NBEA: variants seen among roughly 807,000 people sequenced by gnomAD.
NBEA encodes neurobeachin, also known as lysosomal-trafficking regulator 2.
In NBEA, 44 loss-of-function variants were observed where a neutral mutation model predicts 343.4. The observed-to-expected ratio is 0.13, with a 90% CI of 0.10 to 0.16. The LOEUF is 0.16. Among genes scored for constraint, NBEA ranks in the 10% least tolerant of loss-of-function variants. NBEA has a pLI of 1.00. For synonymous variants in NBEA, 1,175 were observed against 1,238.7 expected (o/e 0.95, Z 1.08); for missense variants, 2,555 against 3,631.3 (o/e 0.70, Z 7.62).
intron 40 of NBEA, among the ~76,000 whole-genome samples, chr13:35,471,323 G>A (rs1484257681): frequency 6.6e-6 from 1 of 152,112 alleles, no homozygotes; most frequent in East Asian, 1.9e-4. Flanking sequence ...TCCGCCCGGA[G>A]GGCCGAGGCC....
At chr13:35,587,463 G>A (rs892550743) in intron 46 of NBEA, among the ~76,000 whole-genome samples, 1 of 152,112 alleles carries the variant, frequency 6.6e-6, no homozygotes, top group African/African-American at 2.4e-5. Context: ...GCCTTAGTGA[G>A]CCACCACCAT....
At chr13:35,307,638 A>G (rs2036985755) in intron 35 of NBEA, among the ~76,000 whole-genome samples, 1 of 152,058 alleles carries the variant, frequency 6.6e-6, no homozygotes, top group Non-Finnish European at 1.5e-5. Flanking sequence ...TTAGTGTACA[A>G]ACACTATCAC....
chr13:35,491,361 T>A (rs1260288844), intron 41 of NBEA, among the ~76,000 whole-genome samples: 3 of 151,882 alleles, frequency 2.0e-5, no homozygotes, highest in Non-Finnish European at 4.4e-5. Context: ...AGCCAAGACC[T>A]CTCCCCTTAA....
intron 35 of NBEA, among the ~76,000 whole-genome samples, chr13:35,300,057 G>GC (rs1296754258): frequency 6.6e-6 from 1 of 152,148 alleles, no homozygotes; most frequent in African/African-American, 2.4e-5. Context: ...TCTATGCTAT[G>GC]TACTTTTCTT....
chr13:35,421,604 T>A (rs2044274959), intron 38 of NBEA, among the ~76,000 whole-genome samples: 1 of 152,132 alleles, frequency 6.6e-6, no homozygotes, highest in Non-Finnish European at 1.5e-5. Context: ...TAGATAGTCA[T>A]GTTTTGCTTA....
At chr13:35,123,661 T>C (rs1194171927) in intron 17 of NBEA, 87 bp downstream of exon 17, 5 of 782,886 alleles carry the variant, frequency 6.4e-6, no homozygotes, top group Non-Finnish European at 9.0e-6. Context: ...AGCATGAAAT[T>C]TGACTTGAAA....
intron 49 of NBEA, among the ~76,000 whole-genome samples, chr13:35,635,418 G>C (rs1279923982): frequency 6.6e-6 from 1 of 152,174 alleles, no homozygotes; most frequent in Non-Finnish European, 1.5e-5. Flanking sequence ...TGATCACAAA[G>C]TGGGTGATTA....
At chr13:35,525,892 C>T (rs1353345927) in intron 41 of NBEA, among the ~76,000 whole-genome samples, 1 of 152,022 alleles carries the variant, frequency 6.6e-6, no homozygotes. Flanking sequence ...TATAAGGGTA[C>T]TAATTCCTTC....
chr13:35,518,840 G>C (rs1259971101), intron 41 of NBEA, among the ~76,000 whole-genome samples: 1 of 152,124 alleles, frequency 6.6e-6, no homozygotes, highest in South Asian at 2.1e-4. Flanking sequence ...GTGGGGGGAA[G>C]GTTGCAGGAT....
intron 46 of NBEA, among the ~76,000 whole-genome samples, chr13:35,588,242 C>A (rs1163171928): frequency 6.6e-6 from 1 of 151,940 alleles, no homozygotes; most frequent in African/African-American, 2.4e-5. Flanking sequence ...AGACTCAGCC[C>A]AAATATCTTA....
At chr13:35,340,179 A>G (rs755656010) in intron 36 of NBEA, among the ~76,000 whole-genome samples, 97 of 152,126 alleles carry the variant, frequency 6.4e-4, no homozygotes, top group Non-Finnish European at 1.2e-3. Context: ...TTGTGCCCCT[A>G]TGTTCATAGC....
chr13:35,184,018 G>A lies in NBEA; in HGVS notation c.4874G>A (p.Gly1625Glu), dbSNP rs1381371568. The part of the protein sequence containing the change: ...PSIPHPSLNH[G>E]FLAKLIPEQS... The stretch of plus-strand genomic sequence containing the variant: ...ATCCCTCATCCAAGTTTGAACCATG[G>A]ATTCCTTGCCAAGTTAATTCCTGAG... Residue 1625 changes from glycine (G) to glutamate (E), a missense_variant, in exon 30 of 59, where the codon GGA (glycine) becomes GAA (glutamate). Around this residue, in one of 21 missense-constraint regions of NBEA, gnomAD observed 270 missense variants for 293.3 expected, o/e 0.92. Coordinates refer to ENST00000379939, the MANE Select transcript of NBEA (RefSeq NM_001385012.1). 6.2e-7 allele frequency: 1 copy of A among 1,611,768 alleles called. No homozygotes were observed. The highest frequency in any genetic ancestry group is 2.2e-5 in the East Asian group (1 of 44,702).
chr13:35,213,006 T>C (rs1057504804), intron 33 of NBEA, among the ~76,000 whole-genome samples: 1 of 152,042 alleles, frequency 6.6e-6, no homozygotes, highest in African/African-American at 2.4e-5. Flanking sequence ...CAACAGAAGT[T>C]GTAAATTTTA....
At chr13:35,547,893 GA>G (rs1013462008) in intron 41 of NBEA, among the ~76,000 whole-genome samples, 5 of 145,428 alleles carry the variant, frequency 3.4e-5, no homozygotes, top group East Asian at 2.0e-4. Flanking sequence ...TGTCTCAAAA[GA>G]AAAAAAAAAG....
chr13:35,336,038 G>A (rs1365669166), intron 36 of NBEA, among the ~76,000 whole-genome samples: 7 of 151,952 alleles, frequency 4.6e-5, no homozygotes, highest in Non-Finnish European at 1.0e-4. Flanking sequence ...GGAAAATCTG[G>A]GAGGTTTTTT....
chr13:35,631,792 T>A (rs1282157715), intron 49 of NBEA, among the ~76,000 whole-genome samples: 1 of 152,182 alleles, frequency 6.6e-6, no homozygotes, highest in Non-Finnish European at 1.5e-5. Context: ...AATTATGGCA[T>A]TAAAATGTCA....
Position 35,111,165 on chromosome 13 carries a change from G to A in NBEA, c.2002+187G>A, listed in dbSNP as rs138662682. Among the ~76,000 whole-genome samples the A allele has an allele frequency of 8.9e-3, 1,348 of 151,982 alleles. 20 individuals are homozygous for A. Among genetic ancestry groups the A allele is most frequent in the Non-Finnish European group, 0.012 (844 of 67,952 alleles). ...GGGCTTTTCAATATTAAATTATTTC[G>A]GAATAAAATCAGTTAAAAAGCAACA... is the stretch of plus-strand genomic sequence containing the variant. On this transcript the variant is annotated intron_variant, in intron 13 of 58. Transcript: ENST00000379939.
At chr13:35,302,218 C>T (rs556392892) in intron 35 of NBEA, among the ~76,000 whole-genome samples, 14 of 151,968 alleles carry the variant, frequency 9.2e-5, no homozygotes, top group South Asian at 4.1e-4. Flanking sequence ...TTTTGTTTTC[C>T]TCTCAGGCTC....
intron 55 of NBEA, among the ~76,000 whole-genome samples, chr13:35,659,213 A>G (rs1446264675): frequency 2.0e-5 from 3 of 152,196 alleles, no homozygotes; most frequent in African/African-American, 4.8e-5. Flanking sequence ...GGCATGTAAC[A>G]TAATATCCTA....
Sources: gnomAD v4.1 joint callset for allele counts (sites outside exome capture counted in the v4.1 genomes callset) on GRCh38, gnomAD v4.1.1 for gene constraint, gnomAD v4.1.1 regional missense constraint, MANE v1.5 for transcripts, NCBI Gene and HGNC (gene_info 2026-07-23, HGNC 2026-07-21) for gene names.